The following MLPH variants were observed in gnomAD, a reference collection of about 807,000 sequenced individuals.
The protein encoded by MLPH is melanophilin.
Under a neutral mutation model 72.1 loss-of-function variants are expected in MLPH, and 51 were observed. That is an observed-to-expected ratio of 0.71 (90% CI 0.56 to 0.89). The LOEUF (loss-of-function observed/expected upper bound fraction) is 0.89, where lower values mean the gene tolerates loss of function less well. Among genes scored for constraint, MLPH ranks in the 40% least tolerant of loss-of-function variants. The pLI is 0.00. For synonymous variants in MLPH, 301 were observed against 310.1 expected, an observed-to-expected ratio of 0.97 and a Z score of 0.31; for missense variants, 743 against 759.9, an observed-to-expected ratio of 0.98 and a Z score of 0.26.
intron 1 of MLPH, among the ~76,000 whole-genome samples, chr2:237,492,500 T>C (rs948348724): frequency 6.6e-6 from 1 of 151,702 alleles, no homozygotes; most frequent in African/African-American, 2.4e-5. Flanking sequence ...TTTTAAAAAA[T>C]TTAATTAGAT....
chr2:237,548,625 T>C (rs1373593356), intron 13 of MLPH, among the ~76,000 whole-genome samples: 1 of 152,078 alleles, frequency 6.6e-6, no homozygotes, highest in Non-Finnish European at 1.5e-5. Context: ...TCCCAGCACT[T>C]TGGGAGGCCG....
rs113707740 is a variant in MLPH, at chr2:237,513,873, C to G, written c.445+2772C>G. On this transcript the variant is annotated intron_variant, in intron 4 of 15. Transcript: ENST00000264605. Reference sequence around the variant, plus strand: ...AAATAAAACCAGGTCTGCTCTCTGGCTCTGTCATCTGGGCACGTTCGGAGC... The same window carrying G: ...AAATAAAACCAGGTCTGCTCTCTGGGTCTGTCATCTGGGCACGTTCGGAGC... 2.1e-3 allele frequency among the ~76,000 whole-genome samples: 314 copies of G among 152,274 alleles called. 1 individual carries two copies. The highest frequency in any genetic ancestry group is 3.4e-3 in the Middle Eastern group (1 of 294).
At chr2:237,522,653 T>C (rs1244934931) in intron 6 of MLPH, among the ~76,000 whole-genome samples, 2 of 151,904 alleles carry the variant, frequency 1.3e-5, no homozygotes, top group Non-Finnish European at 2.9e-5. Context: ...GCAACTATAG[T>C]GCTGGAGCGG....
At chr2:237,531,921 A>C (rs941892386) in intron 8 of MLPH, among the ~76,000 whole-genome samples, 5 of 152,204 alleles carry the variant, frequency 3.3e-5, no homozygotes, top group Non-Finnish European at 7.3e-5. Context: ...AAAAAAAAGT[A>C]GAAGTTTCAG....
Position 237,504,876 on chromosome 2 carries a change from A to G in MLPH, c.111-5698A>G, listed in dbSNP as rs188117313. On this transcript the variant is annotated intron_variant, in intron 2 of 15. Coordinates refer to ENST00000264605, the MANE Select transcript of MLPH (RefSeq NM_024101.7). ...TCATGGTCGAAAACTTCACCCAACC[A>G]AGCCGTGCAAAGGAAATACAGGTCT... Among the ~76,000 whole-genome samples, 608 of 152,276 alleles carry G rather than the reference A, an allele frequency of 4.0e-3. 5 individuals carry two copies. The highest frequency in any genetic ancestry group is 0.013 in the African/African-American group (554 of 41,550).
rs190959116 is a variant in MLPH at position 237,512,725 on chromosome 2, C to T, written c.445+1624C>T. ...CCCCTAACAGGCTTAAGGATAGAAA[C>T]GACACATAACACCGGGAAAAGCCAT... On this transcript the variant is annotated intron_variant, in intron 4 of 15. Transcript: ENST00000264605. This position sits in a 1 kb window ranked among gnomAD's most constrained non-coding sequence, Gnocchi z 5.5. Among the ~76,000 whole-genome samples the T allele has an allele frequency of 7.9e-5, 12 of 152,190 alleles. No homozygotes were observed. Among genetic ancestry groups the T allele is most frequent in the Admixed American group, 4.6e-4 (7 of 15,282 alleles).
At chr2:237,523,140 G>T (rs1257895519) in intron 6 of MLPH, among the ~76,000 whole-genome samples, 1 of 152,166 alleles carries the variant, frequency 6.6e-6, no homozygotes, top group Admixed American at 6.5e-5. Context: ...GTGGAGAAGT[G>T]GTCTAGTGTG....
At chr2:237,516,576 A>G (rs1185689873) in intron 4 of MLPH, among the ~76,000 whole-genome samples, 1 of 152,200 alleles carries the variant, frequency 6.6e-6, no homozygotes, top group African/African-American at 2.4e-5. Flanking sequence ...AATAAGCACA[A>G]TCCTGCAGAC....
chr2:237,538,663 C>T (rs1377340369), intron 9 of MLPH, among the ~76,000 whole-genome samples: 1 of 152,124 alleles, frequency 6.6e-6, no homozygotes, highest in Non-Finnish European at 1.5e-5. Context: ...GGATGAAATC[C>T]ACCCCCAACA....
intron 14 of MLPH, 123 bp downstream of exon 14, chr2:237,549,401 C>G (rs2080987163): frequency 1.0e-6 from 1 of 998,700 alleles, no homozygotes; most frequent in African/African-American, 1.6e-5. Context: ...GTCCTGACTC[C>G]CAAAAAACAT....
Position 237,520,023 on chromosome 2 carries a change from C to A in MLPH, c.669C>A (p.Ser223Arg). Residue 223 changes from serine (S) to arginine (R), a missense_variant, in exon 6 of 16, where the codon AGC (serine) becomes AGA (arginine). Physicochemically the swap from Ser to Arg is moderately radical, Grantham distance 110. Transcript: ENST00000264605. Reference sequence around the variant, plus strand: ...CCTCAGTCCCTGAGGCCAGGGACAGCCCACAGGTCAGTGGGTCCTCGTGTC... The same window carrying A: ...CCTCAGTCCCTGAGGCCAGGGACAGACCACAGGTCAGTGGGTCCTCGTGTC... ...HLSSVPEARD[S>R]PQSLTDESCS... 1.2e-6 allele frequency: 2 copies of A among 1,613,916 alleles called. 1 individual carries two copies. Among genetic ancestry groups the A allele is most frequent in the South Asian group, 2.2e-5 (2 of 91,082 alleles).
chr2:237,525,748 G>A lies in MLPH; in HGVS notation c.823G>A (p.Glu275Lys), dbSNP rs1559358622. The change falls in exon 7 of 16, where the codon GAG (glutamate) becomes AAG (lysine). Residue 275 changes from glutamate (E) to lysine (K), a missense_variant. Transcript: ENST00000264605. ...ISPSRHGALA[E>K]LCPPGGSHRM... is the part of the protein sequence containing the mutation. ...ACCTTCCAGACACGGCGCCCTGGCT[G>A]AGCTCTGCCCGCCTGGAGGCTCCCA... 1.2e-6 allele frequency: 2 copies of A among 1,613,964 alleles called. No individual in the cohort carries two copies. The highest frequency in any genetic ancestry group is 1.7e-6 in the Non-Finnish European group (2 of 1,180,038).
In MLPH at chr2:237,505,866, G is replaced by T. The variant is rs1238400733; in HGVS notation, c.111-4708G>T. On this transcript the variant is annotated intron_variant, in intron 2 of 15. Transcript: ENST00000264605. The surrounding 1 kb of genome is among the most constrained non-coding windows in gnomAD (Gnocchi z 4.5). ...GGCATGCGTGTCCCAGGGCCCTCTG[G>T]AGGTGGGACTGCAGAGGACAGTAAT... Among the ~76,000 whole-genome samples the T allele has an allele frequency of 6.6e-6, 1 of 152,208 alleles. No individual in the cohort carries two copies. Among genetic ancestry groups the T allele is most frequent in the African/African-American group, 2.4e-5 (1 of 41,440 alleles).
At chr2:237,489,060 T>C (rs1028427228) in intron 1 of MLPH, among the ~76,000 whole-genome samples, 5 of 152,096 alleles carry the variant, frequency 3.3e-5, no homozygotes, top group Non-Finnish European at 7.4e-5. Context: ...CCATTGTCCA[T>C]GGTACAGATG....
Position 237,546,426 on chromosome 2 carries a change from A to T in MLPH, c.1540-180A>T, listed in dbSNP as rs2080919145. On this transcript the variant is annotated intron_variant, in intron 12 of 15. Coordinates refer to ENST00000264605, the MANE Select transcript of MLPH (RefSeq NM_024101.7). ...GGGTATCCTGTATTTTCATTTGCAC[A>T]CTTTGGCGCCCTAGTCCCAGAGTCC... 9 of 643,646 alleles carry T rather than the reference A, an allele frequency of 1.4e-5. No individual in the cohort carries two copies. The South Asian group carries it at 1.4e-4, about 10-fold the overall frequency. The allele number at this position is 643,646 out of a possible 1,614,324, so 39.9% of individuals were successfully genotyped here. A position where few individuals can be genotyped will look rare whatever the true frequency, so the allele number is the denominator to read the frequency against.
intron 2 of MLPH, among the ~76,000 whole-genome samples, chr2:237,508,265 C>A (rs1235849175): frequency 6.6e-6 from 1 of 152,166 alleles, no homozygotes; most frequent in Non-Finnish European, 1.5e-5. Context: ...GTGTCCACCA[C>A]TGTGCCTGGC....
chr2:237,498,070 G>A (rs1006280188), intron 2 of MLPH, among the ~76,000 whole-genome samples: 3 of 152,156 alleles, frequency 2.0e-5, no homozygotes, highest in African/African-American at 4.8e-5. Context: ...AGAGAACAGG[G>A]GTGGGGGAAT....
At chr2:237,521,495 G>A (rs74475275) in intron 6 of MLPH, among the ~76,000 whole-genome samples, 21,304 of 152,140 alleles carry the variant, frequency 0.14, 1,611 homozygotes, top group Non-Finnish European at 0.16. Flanking sequence ...TTAAAAAGGC[G>A]TGGGTGCAGA....
In MLPH at chr2:237,554,207, G is replaced by A. The variant is rs73085707; in HGVS notation, c.*615G>A. The A allele has an allele frequency of 0.015, 3,043 of 203,704 alleles. 89 individuals carry two copies. Among genetic ancestry groups the A allele is most frequent in the African/African-American group, 0.065 (2,851 of 43,682 alleles). 12.6% of individuals were successfully genotyped at this position (203,704 alleles called of 1,614,324 possible). A position where few individuals can be genotyped will look rare whatever the true frequency, so the allele number is the denominator to read the frequency against. On this transcript the variant is annotated 3_prime_UTR_variant, in exon 16 of 16. Transcript: ENST00000264605. ...TGTAGACCAGGGGAAATTACACTGC[G>A]GTCAAGGGCAGAGCCTGCACATGAC...
Sources: allele counts gnomAD v4.1 joint callset (sites outside exome capture counted in the v4.1 genomes callset), GRCh38; gene constraint gnomAD v4.1.1; non-coding constraint Gnocchi (gnomAD v3.1); transcripts MANE v1.5; gene names NCBI Gene and HGNC (gene_info 2026-07-23, HGNC 2026-07-21).